GRIK4: variants seen among roughly 807,000 people sequenced by gnomAD.
The protein encoded by GRIK4 is glutamate ionotropic receptor kainate type subunit 4, also known as glutamate receptor ionotropic, kainate 4.
In GRIK4, 40 loss-of-function variants were observed where a neutral mutation model predicts 104.9. The ratio of observed to expected loss-of-function variants is 0.38; its 90% CI spans 0.30 to 0.50. The LOEUF is 0.50. GRIK4 is among the 20% of genes least tolerant of loss of function. GRIK4 has a pLI of 0.93. For synonymous variants in GRIK4, 485 were observed against 524.9 expected (o/e 0.92, Z 1.04); for missense variants, 1,047 against 1,308.1 (o/e 0.80, Z 3.08).
At chr11:120,799,826 C>G (rs1952589699) in intron 3 of GRIK4, among the ~76,000 whole-genome samples, 1 of 152,192 alleles carries the variant, frequency 6.6e-6, no homozygotes, top group African/African-American at 2.4e-5. Context: ...CCTTGTTGTA[C>G]AGCTTGGCTA....
At chr11:120,717,964 C>T (rs568021495) in intron 3 of GRIK4, among the ~76,000 whole-genome samples, 3 of 152,142 alleles carry the variant, frequency 2.0e-5, no homozygotes, top group East Asian at 3.9e-4. Flanking sequence ...TAAGCTGAGG[C>T]GGCTGTCTGT....
rs1488322712 is a variant in GRIK4 at position 120,925,071 on chromosome 11, G to A, written c.1477-15276G>A. Among the ~76,000 whole-genome samples the A allele has an allele frequency of 2.0e-5, 3 of 152,170 alleles. No individual in the cohort carries two copies. The East Asian group carries it at 5.8e-4, about 29-fold the overall frequency. On this transcript the variant is annotated intron_variant, in intron 13 of 20. Transcript: ENST00000527524. ...GGGCTGGTCTCTGAGGCAGAGCTGG[G>A]GCCTCCATTCTGTCTAGCAGGAGCT... is the stretch of plus-strand genomic sequence containing the variant.
chr11:120,948,324 C>T (rs528610851), intron 14 of GRIK4, among the ~76,000 whole-genome samples: 31 of 152,124 alleles, frequency 2.0e-4, no homozygotes, highest in Non-Finnish European at 4.0e-4. Context: ...CTTGGCTATG[C>T]TGGGAGGGGA....
chr11:120,956,840 G>A lies in GRIK4; in HGVS notation c.1761G>A (p.Leu587=), dbSNP rs1944164052. The part of the protein sequence containing the change: ...HPCAQGRCNL[L]VNQYSLGNSL... ...GTGCCCAGGGCCGGTGCAACCTCCT[G>A]GTGAACCAGTACTCCCTGGGCAACA... Residue 587 remains leucine (L), a synonymous_variant, in exon 16 of 21, where the codon CTG becomes CTA. Transcript: ENST00000527524. This position sits in a 1 kb window ranked among gnomAD's most constrained non-coding sequence, Gnocchi z 4.6. 6.2e-7 allele frequency: 1 copy of A among 1,613,968 alleles called. No homozygotes were observed. Among genetic ancestry groups the A allele is most frequent in the East Asian group, 2.2e-5 (1 of 44,878 alleles).
intron 1 of GRIK4, among the ~76,000 whole-genome samples, chr11:120,557,453 G>A (rs1249622890): frequency 6.6e-6 from 1 of 152,142 alleles, no homozygotes; most frequent in African/African-American, 2.4e-5. Context: ...CTGCTGTCTG[G>A]GTGATGGGAG....
intron 6 of GRIK4, among the ~76,000 whole-genome samples, chr11:120,821,725 C>A (rs992056841): frequency 3.3e-5 from 5 of 152,210 alleles, no homozygotes; most frequent in Admixed American, 6.5e-5. Context: ...CTGAGTGGCA[C>A]CAGCAAGTTG....
At chr11:120,747,060 C>T (rs1951452526) in intron 3 of GRIK4, among the ~76,000 whole-genome samples, 1 of 152,162 alleles carries the variant, frequency 6.6e-6, no homozygotes, top group African/African-American at 2.4e-5. Flanking sequence ...TAATTGGTAG[C>T]TCTGTGAGGT....
At chr11:120,923,562 A>G (rs1045112039) in intron 13 of GRIK4, among the ~76,000 whole-genome samples, 5 of 151,698 alleles carry the variant, frequency 3.3e-5, no homozygotes, top group Non-Finnish European at 7.4e-5. Flanking sequence ...ACAGGCACCC[A>G]CCACCACCCC....
At chr11:120,929,404 C>T (rs1276475258) in intron 13 of GRIK4, among the ~76,000 whole-genome samples, 2 of 152,156 alleles carry the variant, frequency 1.3e-5, no homozygotes, top group East Asian at 1.9e-4. Context: ...CCCTGCAGCT[C>T]GGTGACCCCA....
At chr11:120,957,039 GC>G in intron 16 of GRIK4, 86 bp downstream of exon 16, 2 of 1,182,854 alleles carry the variant, frequency 1.7e-6, no homozygotes, top group Non-Finnish European at 2.3e-6. Flanking sequence ...AGCTTCTAGA[GC>G]CCCAGAGCCT....
intron 19 of GRIK4, among the ~76,000 whole-genome samples, chr11:120,978,008 G>A (rs17124632): frequency 0.21 from 31,432 of 152,124 alleles, 4,055 homozygotes; most frequent in East Asian, 0.35. Flanking sequence ...ATGTTTTACC[G>A]TTATTTCAAA....
chr11:120,609,516 C>CTTTTTTT (rs58736481), intron 1 of GRIK4, among the ~76,000 whole-genome samples: 5 of 57,160 alleles, frequency 8.7e-5, no homozygotes, highest in Admixed American at 2.9e-4. Flanking sequence ...TTTGCAGTTG[C>CTTTTTTT]TTTTTTTTTT....
At chr11:120,978,837 A>G (rs1944604640) in intron 19 of GRIK4, among the ~76,000 whole-genome samples, 1 of 152,218 alleles carries the variant, frequency 6.6e-6, no homozygotes, top group African/African-American at 2.4e-5. Flanking sequence ...AGATTGGAAG[A>G]GAGCAATGAG....
chr11:120,840,010 G>A (rs567945678), intron 8 of GRIK4, among the ~76,000 whole-genome samples: 1 of 152,356 alleles, frequency 6.6e-6, no homozygotes, highest in African/African-American at 2.4e-5. Context: ...GGTGACTGAT[G>A]CAATAAGAGG....
At chr11:120,964,804 A>G (rs1486006370) in intron 18 of GRIK4, among the ~76,000 whole-genome samples, 1 of 152,242 alleles carries the variant, frequency 6.6e-6, no homozygotes, top group Non-Finnish European at 1.5e-5. Context: ...CCCATCCTAT[A>G]GAGGACAGAA....
chr11:120,702,694 C>T (rs1950571870), intron 3 of GRIK4, among the ~76,000 whole-genome samples: 1 of 152,116 alleles, frequency 6.6e-6, no homozygotes, highest in Non-Finnish European at 1.5e-5. Context: ...TGTCACAAAC[C>T]TCTTGAGAGG....
chr11:120,920,539 A>G (rs1271815254), intron 13 of GRIK4, among the ~76,000 whole-genome samples: 2 of 152,086 alleles, frequency 1.3e-5, no homozygotes, highest in African/African-American at 4.8e-5. Context: ...ACATGTGTCC[A>G]GTCTTGATCC....
chr11:120,823,566 A>T (rs1953178293), intron 6 of GRIK4, among the ~76,000 whole-genome samples: 1 of 152,138 alleles, frequency 6.6e-6, no homozygotes, highest in Non-Finnish European at 1.5e-5. Flanking sequence ...TAGTCCTCTG[A>T]TCTTCAAGCT....
chr11:120,953,761 C>A lies in GRIK4; in HGVS notation c.1700+797C>A, dbSNP rs1451474140. ...CTCCAGGCCAAGGCTGTTGGGCCAG[C>A]CTGAGCTGCAGGAGAGCCAGCTTAA... On this transcript the variant is annotated intron_variant, in intron 15 of 20. Coordinates refer to ENST00000527524, the MANE Select transcript of GRIK4 (RefSeq NM_014619.5). This position sits in a 1 kb window ranked among gnomAD's most constrained non-coding sequence, Gnocchi z 4.9. 6.6e-6 allele frequency among the ~76,000 whole-genome samples: 1 copy of A among 152,214 alleles called. No homozygotes were observed. Among genetic ancestry groups the A allele is most frequent in the Non-Finnish European group, 1.5e-5 (1 of 68,036 alleles).
Sources: gnomAD v4.1 joint callset for allele counts (sites outside exome capture counted in the v4.1 genomes callset) on GRCh38, gnomAD v4.1.1 for gene constraint, Gnocchi (gnomAD v3.1) non-coding constraint, MANE v1.5 for transcripts, NCBI Gene and HGNC (gene_info 2026-07-23, HGNC 2026-07-21) for gene names.